TACC3: variants seen among roughly 807,000 people sequenced by gnomAD.
TACC3 encodes the protein transforming acidic coiled-coil containing protein 3.
In TACC3, 52 loss-of-function variants were observed where a neutral mutation model predicts 86.0. That is an observed-to-expected ratio of 0.60 (90% CI 0.48 to 0.76). TACC3 has a LOEUF of 0.76. Among genes scored for constraint, TACC3 ranks in the 30% least tolerant of loss-of-function variants. The pLI, the probability that TACC3 is intolerant of heterozygous loss-of-function variation, is 0.00. For missense variants in TACC3, 1,120 were observed against 1,070.4 expected (o/e 1.05, Z -0.65); for synonymous variants, 512 against 430.0 (o/e 1.19, Z -2.36).
chr4:1,720,911 G>A, upstream of TACC3: 1 of 1,297,000 alleles, frequency 7.7e-7, no homozygotes, highest in Non-Finnish European at 9.9e-7. This position sits in a 1 kb window ranked among gnomAD's most constrained non-coding sequence, Gnocchi z 4.4. Context: ...GCCCAGTCCC[G>A]GACCTGTCGG....
chr4:1,743,477 C>T (rs1203571730), intron 13 of TACC3, among the ~76,000 whole-genome samples: 3 of 151,754 alleles, frequency 2.0e-5, no homozygotes, highest in South Asian at 2.1e-4. Context: ...CGCTTGAATC[C>T]GGGAGGCGGA....
chr4:1,728,510 G>C lies in TACC3; in HGVS notation c.1108G>C (p.Ala370Pro), dbSNP rs756381415. ...RSGLKPPLRK[A>P]AVRQQKAPQE... ...CGGCCTCAAGCCTCCCTTGAGGAAA[G>C]CAGCAGTGAGGCAGCAAAAGGCCCC... Residue 370 changes from alanine to proline, a missense_variant, in exon 4 of 16, where the codon GCA (alanine) becomes CCA (proline). Physicochemically the swap from Ala to Pro is conservative, Grantham distance 27. Transcript: ENST00000313288. 1 of 1,614,052 alleles carries C rather than the reference G, an allele frequency of 6.2e-7. No individual in the cohort carries two copies. Among genetic ancestry groups the C allele is most frequent in the Non-Finnish European group, 8.5e-7 (1 of 1,180,014 alleles).
chr4:1,729,094 T>C (rs978945749), intron 4 of TACC3, among the ~76,000 whole-genome samples: 1 of 152,160 alleles, frequency 6.6e-6, no homozygotes, highest in Non-Finnish European at 1.5e-5. Flanking sequence ...GTCATGTTCC[T>C]CCTCAGGTGA....
At chr4:1,724,379 C>CTTTT (rs35896374) in intron 3 of TACC3, among the ~76,000 whole-genome samples, 24 of 108,360 alleles carry the variant, frequency 2.2e-4, no homozygotes, top group Non-Finnish European at 3.3e-4. Context: ...TCATACTTCA[C>CTTTT]TTTTTTTTTT....
chr4:1,743,249 C>T (rs1054133431), intron 13 of TACC3, among the ~76,000 whole-genome samples: 14 of 110,720 alleles, frequency 1.3e-4, no homozygotes, highest in Non-Finnish European at 1.9e-4. Flanking sequence ...AGCGAGACTC[C>T]GTCTCAAAAA....
chr4:1,735,213 C>G lies in TACC3; in HGVS notation c.1592-60C>G. The G allele has an allele frequency of 1.2e-6, 2 of 1,602,794 alleles. 1 individual carries two copies. The highest frequency in any genetic ancestry group is 3.3e-4 in the Middle Eastern group (2 of 6,016). The stretch of plus-strand genomic sequence containing the variant: ...CACTGAGTGCTGAGGGAGACACCAG[C>G]CCGCCGCCCTTAGGGCCCTGGTGAG... On this transcript the variant is annotated intron_variant, in intron 6 of 15. Transcript: ENST00000313288. The surrounding 1 kb of genome is among the most constrained non-coding windows in gnomAD (Gnocchi z 4.2).
rs745891543 is a variant in TACC3, at chr4:1,740,919, A to G, written c.2156A>G (p.Glu719Gly). The G allele has an allele frequency of 1.9e-6, 3 of 1,613,128 alleles. No individual in the cohort carries two copies. In the African/African-American group the frequency reaches 4.0e-5, roughly 22 times the overall value. ...DQLTTDLNSMEKSFSDLFKRF... is the reference protein window; with the variant it reads ...DQLTTDLNSMGKSFSDLFKRF... ...CTTACCACAGATCTGAACTCCATGG[A>G]GAAGTCCTTCTCCGACCTCTTCAAG... The change falls in exon 13 of 16, where the codon GAG (glutamate) becomes GGG (glycine). Residue 719 changes from glutamate to glycine, a missense_variant. Transcript: ENST00000313288.
At chr4:1,728,899 G>A (rs1443697762) in intron 4 of TACC3, 112 bp downstream of exon 4, 6 of 1,118,326 alleles carry the variant, frequency 5.4e-6, no homozygotes, top group Non-Finnish European at 6.2e-6. Flanking sequence ...AGGCCGGGTA[G>A]GTTCTGCCTG....
At chr4:1,732,161 G>A (rs112558308) in intron 6 of TACC3, among the ~76,000 whole-genome samples, 18,966 of 151,242 alleles carry the variant, frequency 0.13, 1,495 homozygotes, top group Non-Finnish European at 0.18. Flanking sequence ...AAGATTGGAG[G>A]CTGCAGTTAA....
chr4:1,724,114 G>A (rs1042837117), intron 3 of TACC3, among the ~76,000 whole-genome samples: 14 of 151,940 alleles, frequency 9.2e-5, no homozygotes, highest in Non-Finnish European at 1.3e-4. Context: ...GACTACAGGC[G>A]CCTGCCACCA....
chr4:1,727,034 G>C (rs1242778335), intron 3 of TACC3, among the ~76,000 whole-genome samples: 1 of 152,070 alleles, frequency 6.6e-6, no homozygotes, highest in East Asian at 1.9e-4. Flanking sequence ...GGGAGGCTGA[G>C]GCAGGAGAAT....
chr4:1,730,756 A>G, intron 4 of TACC3, 131 bp from the exon 5 acceptor site: 1 of 1,079,752 alleles, frequency 9.3e-7, no homozygotes, highest in Non-Finnish European at 1.4e-6. Context: ...CATGCCTGGC[A>G]CGCTCTAGCT....
At chr4:1,726,349 T>TC (rs1577207685) in intron 3 of TACC3, among the ~76,000 whole-genome samples, 1 of 152,076 alleles carries the variant, frequency 6.6e-6, no homozygotes, top group African/African-American at 2.4e-5. Flanking sequence ...GCTTTGACTG[T>TC]CCCTGGCCAC....
In TACC3 at chr4:1,731,166, C is replaced by T. The variant is rs1717989664; in HGVS notation, c.1462-6C>T. The T allele has an allele frequency of 3.7e-6, 6 of 1,613,246 alleles. No homozygotes were observed. The highest frequency in any genetic ancestry group is 3.4e-6 in the Non-Finnish European group (4 of 1,179,990). ...CTGCACAGGGTGACTCTGCCCTTTC[C>T]TCCAGGAGAGAGCCTTGAACTCTGC... On this transcript the variant is annotated splice_polypyrimidine_tract_variant and splice_region_variant and intron_variant, in intron 5 of 15. Transcript: ENST00000313288.
At chr4:1,724,785 A>G (rs1424803087) in intron 3 of TACC3, among the ~76,000 whole-genome samples, 1 of 151,850 alleles carries the variant, frequency 6.6e-6, no homozygotes, top group African/African-American at 2.4e-5. Context: ...GTTTTGAGAC[A>G]GAGTTTCGCT....
At chr4:1,737,805 T>C (rs200717314) in intron 10 of TACC3, 103 bp downstream of exon 10, 2 of 1,019,086 alleles carry the variant, frequency 2.0e-6, no homozygotes, top group Non-Finnish European at 3.0e-6. Context: ...ATCCCTGCCA[T>C]CCCTGCCCCT....
In TACC3 at chr4:1,728,100, A is replaced by G. The variant is rs766670743; in HGVS notation, c.698A>G (p.Glu233Gly). 158 of 1,611,014 alleles carry G rather than the reference A, an allele frequency of 9.8e-5. No individual in the cohort carries two copies. Among genetic ancestry groups the G allele is most frequent in the Non-Finnish European group, 1.3e-4 (153 of 1,179,546 alleles). The change falls in exon 4 of 16, where the codon GAG becomes GGG. Residue 233 changes from glutamate to glycine, a missense_variant. By Grantham distance (98) the Glu-to-Gly change is moderately conservative. Coordinates refer to ENST00000313288, the MANE Select transcript of TACC3 (RefSeq NM_006342.3). ...AAAGCGGAGACTCCGCACGGAGCCG[A>G]GGAGGAATGCCGGCACGGTGGGGTC... ...ECKAETPHGA[E>G]EECRHGGVCA...
chr4:1,731,293 C>A lies in TACC3; in HGVS notation c.1583C>A (p.Pro528His). 1 of 1,613,060 alleles carries A rather than the reference C, an allele frequency of 6.2e-7. No individual in the cohort carries two copies. Among genetic ancestry groups the A allele is most frequent in the East Asian group, 2.2e-5 (1 of 44,894 alleles). The change falls in exon 6 of 16, where the codon CCC becomes CAC. Residue 528 changes from proline to histidine, a missense_variant. Coordinates refer to ENST00000313288, the MANE Select transcript of TACC3 (RefSeq NM_006342.3). The part of the protein sequence containing the change: ...LELKEESFRD[P>H]AEVLGTGAEV... Reference sequence around the variant, plus strand: ...CTGAAAGAGGAGAGCTTCAGAGACCCCGCTGAGGGTACGTTGCCTGGCACA... The same window carrying A: ...CTGAAAGAGGAGAGCTTCAGAGACCACGCTGAGGGTACGTTGCCTGGCACA...
intron 13 of TACC3, 185 bp from the exon 14 acceptor site, chr4:1,744,333 G>C (rs1173249415): frequency 1.6e-6 from 1 of 607,016 alleles, no homozygotes; most frequent in Non-Finnish European, 2.9e-6. Context: ...GGGCTGTCCT[G>C]AACCTCCAGA....
Sources: allele counts gnomAD v4.1 joint callset (sites outside exome capture counted in the v4.1 genomes callset), GRCh38; gene constraint gnomAD v4.1.1; non-coding constraint Gnocchi (gnomAD v3.1); transcripts MANE v1.5; gene names NCBI Gene and HGNC (gene_info 2026-07-23, HGNC 2026-07-21).